The following TULP4 variants were observed in gnomAD, a reference collection of about 807,000 sequenced individuals.
TULP4 encodes tubby-related protein 4.
A neutral mutation model predicts 129.0 loss-of-function variants in TULP4; 16 were observed. That is an observed-to-expected ratio of 0.12 (90% CI 0.08 to 0.19). TULP4 has a LOEUF of 0.19. TULP4 is among the 10% of genes least tolerant of loss of function. The probability of loss-of-function intolerance (pLI) is 1.00; values close to 1 mark genes in which losing one functional copy is unlikely to be tolerated. For synonymous variants in TULP4, 998 were observed against 854.0 expected, an observed-to-expected ratio of 1.17 and a Z score of -2.94; for missense variants, 1,842 against 2,059.1, an observed-to-expected ratio of 0.89 and a Z score of 2.04.
At chr6:158,450,924 G>A (rs921040673) in intron 4 of TULP4, among the ~76,000 whole-genome samples, 1 of 151,996 alleles carries the variant, frequency 6.6e-6, no homozygotes. Context: ...AATTAGCCAA[G>A]CATGGTGGTG....
At chr6:158,377,120 T>G (rs1007723249) in intron 1 of TULP4, among the ~76,000 whole-genome samples, 1 of 152,240 alleles carries the variant, frequency 6.6e-6, no homozygotes, top group Non-Finnish European at 1.5e-5. Flanking sequence ...GTTAAAATTT[T>G]AATGGGCAGT....
chr6:158,237,998 A>T, intron 1 of TULP4: 1 of 720,568 alleles, frequency 1.4e-6, no homozygotes. Context: ...ATCAAGGACA[A>T]ATGAGCAGGA....
At chr6:158,419,371 C>T (rs1295458987) in intron 2 of TULP4, among the ~76,000 whole-genome samples, 1 of 151,952 alleles carries the variant, frequency 6.6e-6, no homozygotes, top group Non-Finnish European at 1.5e-5. Flanking sequence ...TAGCTATAAG[C>T]AACATTGAAG....
At chr6:158,247,915 TA>T (rs1347103103) in intron 1 of TULP4, among the ~76,000 whole-genome samples, 1 of 152,172 alleles carries the variant, frequency 6.6e-6, no homozygotes, top group Non-Finnish European at 1.5e-5. Context: ...TCTTTACACG[TA>T]ATCAGTTTCT....
chr6:158,461,420 A>AG, intron 5 of TULP4, 143 bp from the exon 6 acceptor site: 1 of 869,564 alleles, frequency 1.2e-6, no homozygotes, highest in Admixed American at 3.3e-5. Context: ...TCAAAAAAAA[A>AG]AAAAAAGGAA....
chr6:158,491,390 GTTCTTTCTTTCTTTCTTTCTTTCT>G (rs534422353), intron 9 of TULP4, among the ~76,000 whole-genome samples: 4 of 146,768 alleles, frequency 2.7e-5, no homozygotes, highest in Middle Eastern at 3.2e-3. Context: ...AGTTATAAGA[GTTCTTTCTTTCTTTCTTTCTTTCT>G]TTCTTTCTTT....
upstream of TULP4, among the ~76,000 whole-genome samples, chr6:158,311,568 C>T (rs779661713): frequency 6.6e-5 from 10 of 152,122 alleles, no homozygotes; most frequent in East Asian, 1.9e-4. Flanking sequence ...CCATCAGGGA[C>T]GAATGAGTTT....
chr6:158,462,657 G>A (rs774743451), intron 6 of TULP4, among the ~76,000 whole-genome samples: 5 of 151,754 alleles, frequency 3.3e-5, no homozygotes, highest in Non-Finnish European at 7.4e-5. Flanking sequence ...ACAGGCATGA[G>A]CCACCATGCC....
chr6:158,460,152 A>C (rs1779392684), intron 5 of TULP4, among the ~76,000 whole-genome samples: 1 of 152,126 alleles, frequency 6.6e-6, no homozygotes, highest in Admixed American at 6.5e-5. Context: ...GGGTCTGGAA[A>C]CCTGTCTTGT....
chr6:158,459,007 G>A (rs919895596), intron 5 of TULP4, among the ~76,000 whole-genome samples: 5 of 152,168 alleles, frequency 3.3e-5, no homozygotes, highest in Admixed American at 2.0e-4. Context: ...TTGCTATATC[G>A]CTTGATGCAT....
At chr6:158,506,008 C>G (rs553181600) in intron 13 of TULP4, among the ~76,000 whole-genome samples, 84 of 152,126 alleles carry the variant, frequency 5.5e-4, no homozygotes, top group South Asian at 8.3e-4. Flanking sequence ...ACGGATGGAG[C>G]TGGAGGCCAT....
At chr6:158,461,805 A>G (rs1048006522) in intron 6 of TULP4, 76 bp downstream of exon 6, 14 of 1,474,712 alleles carry the variant, frequency 9.5e-6, no homozygotes, top group Non-Finnish European at 1.3e-5. Context: ...ATTGTTGACA[A>G]ATTTTATTTT....
At chr6:158,265,324 ACTTG>A (rs1392355499) in intron 1 of TULP4, among the ~76,000 whole-genome samples, 1 of 151,794 alleles carries the variant, frequency 6.6e-6, no homozygotes, top group Non-Finnish European at 1.5e-5. Context: ...AACTTTACTT[ACTTG>A]CTTATTTAGA....
intron 1 of TULP4, among the ~76,000 whole-genome samples, chr6:158,325,897 C>A (rs986355950): frequency 1.3e-5 from 2 of 151,424 alleles, no homozygotes; most frequent in South Asian, 4.2e-4. Context: ...TGTCTCCCCC[C>A]CTCCCCCCAC....
At chr6:158,243,882 G>GTC (rs1180459570) in intron 1 of TULP4, among the ~76,000 whole-genome samples, 2 of 143,714 alleles carry the variant, frequency 1.4e-5, no homozygotes, top group East Asian at 3.9e-4. Context: ...GTGTGTGTGT[G>GTC]TGTGTAGAAA....
intron 1 of TULP4, among the ~76,000 whole-genome samples, chr6:158,355,120 G>A (rs1178738311): frequency 2.0e-5 from 3 of 151,658 alleles, no homozygotes; most frequent in Admixed American, 2.0e-4. Flanking sequence ...CACCTAGACT[G>A]GAGTACAGTG....
intron 2 of TULP4, among the ~76,000 whole-genome samples, chr6:158,427,338 G>T (rs567372232): frequency 3.9e-5 from 6 of 152,212 alleles, no homozygotes; most frequent in South Asian, 2.1e-4. Flanking sequence ...CTTCTGGGGC[G>T]AGGAGGGACT....
Position 158,479,927 on chromosome 6 carries a change from C to A in TULP4, c.1203C>A (p.Pro401=). The A allele has an allele frequency of 6.2e-7, 1 of 1,611,246 alleles. No individual in the cohort carries two copies. Among genetic ancestry groups the A allele is most frequent in the South Asian group, 1.1e-5 (1 of 91,050 alleles). Residue 401 remains proline (P), a synonymous_variant, in exon 7 of 14, where the codon CCC becomes CCA. Coordinates refer to ENST00000367097, the MANE Select transcript of TULP4 (RefSeq NM_020245.5). ...AGGACGTCAGCAAGCTGACTCTGCC[C>A]CCCCGCCTCTGCTCCTACCTCTCCA... The part of the protein sequence containing the change: ...EDKDVSKLTL[P]PRLCSYLSTA...
At chr6:158,411,791 CG>C (rs1351514065) in intron 1 of TULP4, among the ~76,000 whole-genome samples, 8 of 152,032 alleles carry the variant, frequency 5.3e-5, no homozygotes, top group African/African-American at 1.9e-4. Context: ...TGAGAAGTCC[CG>C]GGGTTTATGT....
Sources: allele counts gnomAD v4.1 joint callset (sites outside exome capture counted in the v4.1 genomes callset), GRCh38; gene constraint gnomAD v4.1.1; transcripts MANE v1.5; gene names NCBI Gene and HGNC (gene_info 2026-07-23, HGNC 2026-07-21).